ERC1: variants seen among roughly 807,000 people sequenced by gnomAD.
The protein encoded by ERC1 is ELKS/RAB6-interacting/CAST family member 1, also known as RAB6 interacting protein 2.
In ERC1, 56 loss-of-function variants were observed where a neutral mutation model predicts 132.0. The observed-to-expected ratio is 0.42, with a 90% CI of 0.34 to 0.53. ERC1 has a LOEUF of 0.53. Among genes scored for constraint, ERC1 ranks in the 20% least tolerant of loss-of-function variants. The pLI is 0.03. For synonymous variants in ERC1, 478 were observed against 476.1 expected, an observed-to-expected ratio of 1.00 and a Z score of -0.05; for missense variants, 1,202 against 1,349.9, an observed-to-expected ratio of 0.89 and a Z score of 1.72.
At chr12:1,235,662 A>G (rs2075364664) in intron 12 of ERC1, among the ~76,000 whole-genome samples, 1 of 152,192 alleles carries the variant, frequency 6.6e-6, no homozygotes, top group Non-Finnish European at 1.5e-5. Context: ...CCTATTGGAA[A>G]CATTTAGAAA....
intron 1 of ERC1, among the ~76,000 whole-genome samples, chr12:1,005,074 T>A (rs1482753984): frequency 1.3e-5 from 2 of 152,206 alleles, no homozygotes; most frequent in Non-Finnish European, 2.9e-5. Context: ...GTATTCACTT[T>A]ACTTTCATTA....
At chr12:1,312,921 A>G (rs1049573788) in intron 15 of ERC1, among the ~76,000 whole-genome samples, 5 of 152,084 alleles carry the variant, frequency 3.3e-5, no homozygotes, top group African/African-American at 9.7e-5. Context: ...TTAACTCTCC[A>G]TCATTACTTT....
chr12:1,019,179 A>C (rs967744177), intron 1 of ERC1, among the ~76,000 whole-genome samples: 1 of 152,244 alleles, frequency 6.6e-6, no homozygotes, highest in Admixed American at 6.5e-5. Context: ...GCTGGAGTGC[A>C]GTGGCATGAT....
intron 14 of ERC1, among the ~76,000 whole-genome samples, chr12:1,265,917 A>C (rs894499034): frequency 5.9e-4 from 90 of 152,224 alleles, no homozygotes; most frequent in African/African-American, 2.1e-3. Flanking sequence ...ATTCCATTGT[A>C]TGGATATGCC....
chr12:1,387,315 C>T (rs548514078), intron 16 of ERC1, among the ~76,000 whole-genome samples: 42 of 152,184 alleles, frequency 2.8e-4, no homozygotes, highest in Admixed American at 8.5e-4. Flanking sequence ...TGGGGTGAAC[C>T]TATGTTGTGT....
intron 16 of ERC1, among the ~76,000 whole-genome samples, chr12:1,381,712 T>C (rs2088689257): frequency 1.3e-5 from 2 of 152,218 alleles, no homozygotes; most frequent in South Asian, 2.1e-4. Context: ...TTTCATTCAC[T>C]GTCCTCACTT....
chr12:1,212,851 GA>G (rs1252364801), intron 12 of ERC1, among the ~76,000 whole-genome samples: 1 of 152,128 alleles, frequency 6.6e-6, no homozygotes, highest in African/African-American at 2.4e-5. Flanking sequence ...TTTCTCTGGG[GA>G]CCCCTTCCTA....
chr12:1,415,357 G>A (rs1343239455), intron 17 of ERC1, among the ~76,000 whole-genome samples: 6 of 152,214 alleles, frequency 3.9e-5, no homozygotes, highest in African/African-American at 1.4e-4. Context: ...GAAATGGCCT[G>A]CCTATTAGAT....
intron 14 of ERC1, among the ~76,000 whole-genome samples, chr12:1,286,395 ACATT>A (rs1244329146): frequency 6.6e-6 from 1 of 152,128 alleles, no homozygotes; most frequent in Non-Finnish European, 1.5e-5. Flanking sequence ...AGAAAATTTA[ACATT>A]CATTTATAAT....
intron 13 of ERC1, 142 bp from the exon 14 acceptor site, chr12:1,262,892 T>A: frequency 9.6e-6 from 7 of 732,588 alleles, no homozygotes; most frequent in Non-Finnish European, 1.5e-5. Flanking sequence ...CTTTATTGTG[T>A]CCTCTGTGAC....
chr12:1,112,149 C>T lies in ERC1; in HGVS notation c.1318-66C>T, dbSNP rs371752442. 4 of 1,081,408 alleles carry T rather than the reference C, an allele frequency of 3.7e-6. No homozygotes were observed. The South Asian group carries it at 5.2e-5, about 14-fold the overall frequency. The allele number at this position is 1,081,408 out of a possible 1,614,324, so 67.0% of individuals were successfully genotyped here. A position where few individuals can be genotyped will look rare whatever the true frequency, so the allele number is the denominator to read the frequency against. ...GTTATTTCTAGTTACCATTCTGCCT[C>T]AAAAGTAGACAAGAAGAAGACCTAA... On this transcript the variant is annotated intron_variant, in intron 5 of 18. Coordinates refer to ENST00000360905, the MANE Select transcript of ERC1 (RefSeq NM_178040.4).
At chr12:1,137,456 G>T (rs774346212) in intron 7 of ERC1, among the ~76,000 whole-genome samples, 5 of 152,012 alleles carry the variant, frequency 3.3e-5, no homozygotes, top group Admixed American at 6.6e-5. Context: ...TAACTACGCT[G>T]AGTCACAGTT....
chr12:1,264,684 C>G (rs940732406), intron 14 of ERC1, among the ~76,000 whole-genome samples: 11 of 151,922 alleles, frequency 7.2e-5, no homozygotes, highest in Non-Finnish European at 1.5e-4. Context: ...AAAAAGATTT[C>G]AAATCTATCT....
intron 15 of ERC1, among the ~76,000 whole-genome samples, chr12:1,313,713 C>T (rs867646110): frequency 5.3e-5 from 8 of 151,632 alleles, no homozygotes; most frequent in African/African-American, 1.2e-4. Context: ...TGCCCGGGTA[C>T]GGTGGCTCAT....
chr12:1,006,915 T>C (rs151169538), intron 1 of ERC1, among the ~76,000 whole-genome samples: 4 of 150,948 alleles, frequency 2.6e-5, no homozygotes. Context: ...TCAAAAAATA[T>C]GGAAAATCTA....
chr12:1,021,422 A>G (rs937008499), intron 1 of ERC1, among the ~76,000 whole-genome samples: 2 of 151,418 alleles, frequency 1.3e-5, no homozygotes, highest in Non-Finnish European at 2.9e-5. Flanking sequence ...AAAGTGGTGG[A>G]TTCCGGCCGG....
At chr12:1,106,717 T>C (rs1212568731) in intron 4 of ERC1, among the ~76,000 whole-genome samples, 2 of 152,206 alleles carry the variant, frequency 1.3e-5, no homozygotes, top group Non-Finnish European at 2.9e-5. Context: ...TGTTATTTCC[T>C]GATCCCTTGT....
At chr12:1,150,626 T>G (rs2154254130) in intron 8 of ERC1, among the ~76,000 whole-genome samples, 2 of 152,340 alleles carry the variant, frequency 1.3e-5, no homozygotes, top group East Asian at 3.9e-4. Flanking sequence ...ATAAGTCATT[T>G]TGACAGTATG....
chr12:1,179,508 T>C (rs962519190), intron 8 of ERC1, among the ~76,000 whole-genome samples: 9 of 108,072 alleles, frequency 8.3e-5, no homozygotes, highest in South Asian at 5.6e-4. Flanking sequence ...TTCTTTTTTT[T>C]TTTTTTTTTT....
Sources: gnomAD v4.1 joint callset for allele counts (sites outside exome capture counted in the v4.1 genomes callset) on GRCh38, gnomAD v4.1.1 for gene constraint, MANE v1.5 for transcripts, NCBI Gene and HGNC (gene_info 2026-07-23, HGNC 2026-07-21) for gene names.